The following CCBE1 variants were observed in gnomAD, a reference collection of about 807,000 sequenced individuals.
CCBE1 encodes the protein collagen and calcium-binding EGF domain-containing protein 1.
A neutral mutation model predicts 50.0 loss-of-function variants in CCBE1; 37 were observed. The ratio of observed to expected loss-of-function variants is 0.74; its 90% CI spans 0.57 to 0.97. The LOEUF is 0.97. Among genes scored for constraint, CCBE1 ranks in the 50% least tolerant of loss-of-function variants. CCBE1 has a pLI of 0.00. For missense variants in CCBE1, 538 were observed against 523.8 expected, an observed-to-expected ratio of 1.03 and a Z score of -0.26; for synonymous variants, 234 against 203.7, an observed-to-expected ratio of 1.15 and a Z score of -1.27.
At chr18:59,485,821 G>A (rs1044418532) in intron 2 of CCBE1, among the ~76,000 whole-genome samples, 3 of 151,452 alleles carry the variant, frequency 2.0e-5, no homozygotes, top group Non-Finnish European at 1.5e-5. Flanking sequence ...CGCTGGTCTC[G>A]AACTCCTGAC....
intron 2 of CCBE1, among the ~76,000 whole-genome samples, chr18:59,631,149 CA>C (rs1203709310): frequency 8.6e-5 from 13 of 151,778 alleles, no homozygotes; most frequent in African/African-American, 3.1e-4. Context: ...CTCAGCATGG[CA>C]GTTGTTCAAA....
intron 1 of CCBE1, 52 bp from the exon 2 acceptor site, chr18:59,696,761 G>C (rs757051090): frequency 3.3e-5 from 52 of 1,584,948 alleles, no homozygotes; most frequent in Non-Finnish European, 4.1e-5. Context: ...GAGCGGAGGC[G>C]GGCAGCGCGC....
intron 2 of CCBE1, among the ~76,000 whole-genome samples, chr18:59,681,201 C>T (rs2054585197): frequency 6.6e-6 from 1 of 152,134 alleles, no homozygotes; most frequent in African/African-American, 2.4e-5. Flanking sequence ...ATGAAAATGG[C>T]AGCAAGGCCA....
intron 2 of CCBE1, among the ~76,000 whole-genome samples, chr18:59,629,939 T>A (rs2053830929): frequency 6.6e-6 from 1 of 152,162 alleles, no homozygotes; most frequent in African/African-American, 2.4e-5. Context: ...TTAGCAAGGC[T>A]CTGAAGAATG....
chr18:59,478,404 T>C (rs1444582749), intron 3 of CCBE1, among the ~76,000 whole-genome samples: 4 of 152,232 alleles, frequency 2.6e-5, no homozygotes, highest in Admixed American at 2.0e-4. Flanking sequence ...ACTAAAGATA[T>C]CTTTAGTAAA....
intron 2 of CCBE1, among the ~76,000 whole-genome samples, chr18:59,610,771 A>G (rs7228460): frequency 0.42 from 63,668 of 152,074 alleles, 13,800 homozygotes; most frequent in East Asian, 0.65. Flanking sequence ...AGCCTCACAC[A>G]GAGGCCAAAG....
intron 2 of CCBE1, among the ~76,000 whole-genome samples, chr18:59,539,593 G>A (rs961322171): frequency 1.3e-5 from 2 of 152,194 alleles, no homozygotes; most frequent in African/African-American, 4.8e-5. Context: ...GGAGCATTTT[G>A]TTATGCAGCA....
chr18:59,696,393 C>G, intron 2 of CCBE1: 1 of 1,096,464 alleles, frequency 9.1e-7, no homozygotes, highest in Non-Finnish European at 1.2e-6. Flanking sequence ...GGAGCGGCAA[C>G]CATCCTCAGG....
At chr18:59,549,864 C>T (rs1915850403) in intron 2 of CCBE1, among the ~76,000 whole-genome samples, 1 of 152,194 alleles carries the variant, frequency 6.6e-6, no homozygotes, top group Admixed American at 6.5e-5. Flanking sequence ...GTGGCCCACT[C>T]ATTTTGCAGA....
At chr18:59,696,445 T>C (rs1303033597) in intron 2 of CCBE1, 184 bp downstream of exon 2, 1 of 1,448,922 alleles carries the variant, frequency 6.9e-7, no homozygotes, top group Non-Finnish European at 9.2e-7. Context: ...AGTTGCTCAG[T>C]GTTGCTCTGA....
Position 59,489,344 on chromosome 18 carries a change from T to A in CCBE1, c.213-9106A>T, listed in dbSNP as rs76359304. Among the ~76,000 whole-genome samples the A allele has an allele frequency of 4.6e-5, 7 of 152,370 alleles. No individual in the cohort carries two copies. In the East Asian group the frequency reaches 1.3e-3, roughly 29 times the overall value. The stretch of plus-strand genomic sequence containing the variant: ...TCCTCAGCAGACACAGACACTCAGA[T>A]GGCCAGAGCCCCAAGGGGCTTTGGA... On this transcript the variant is annotated intron_variant, in intron 2 of 10. Transcript: ENST00000439986.
At chr18:59,635,188 C>T (rs2053899077) in intron 2 of CCBE1, among the ~76,000 whole-genome samples, 1 of 152,128 alleles carries the variant, frequency 6.6e-6, no homozygotes, top group African/African-American at 2.4e-5. Flanking sequence ...CAAATGGAGG[C>T]CAGATGACAA....
chr18:59,514,030 G>T (rs1044264975), intron 2 of CCBE1, among the ~76,000 whole-genome samples: 1 of 152,116 alleles, frequency 6.6e-6, no homozygotes, highest in Non-Finnish European at 1.5e-5. Context: ...TCACCATCTT[G>T]CATGGGGCCG....
intron 2 of CCBE1, among the ~76,000 whole-genome samples, chr18:59,567,875 A>G (rs1351034983): frequency 6.6e-6 from 1 of 152,250 alleles, no homozygotes; most frequent in African/African-American, 2.4e-5. Flanking sequence ...ATCAGCAGAC[A>G]CATATCACAT....
chr18:59,439,153 G>C (rs193215995), intron 9 of CCBE1, among the ~76,000 whole-genome samples: 137 of 152,288 alleles, frequency 9.0e-4, no homozygotes, highest in Non-Finnish European at 2.2e-4. Flanking sequence ...CAGGTGTGGT[G>C]GCGGTCGCCT....
intron 2 of CCBE1, among the ~76,000 whole-genome samples, chr18:59,566,584 G>A (rs2052831852): frequency 6.6e-6 from 1 of 152,190 alleles, no homozygotes; most frequent in Non-Finnish European, 1.5e-5. Flanking sequence ...TAGGAAAGAA[G>A]TACTCAACTG....
chr18:59,500,959 C>T (rs532906241), intron 2 of CCBE1, among the ~76,000 whole-genome samples: 3 of 152,218 alleles, frequency 2.0e-5, no homozygotes, highest in Non-Finnish European at 4.4e-5. Flanking sequence ...TCCCCACAAC[C>T]ACCCACACAT....
chr18:59,462,301 C>T (rs1911523097), intron 5 of CCBE1: 1 of 152,146 alleles, frequency 6.6e-6, no homozygotes, highest in South Asian at 2.1e-4. Flanking sequence ...TCGTTTGGCC[C>T]CAGAGCTAAG....
At chr18:59,621,160 G>A (rs1416022714) in intron 2 of CCBE1, among the ~76,000 whole-genome samples, 1 of 152,202 alleles carries the variant, frequency 6.6e-6, no homozygotes, top group Non-Finnish European at 1.5e-5. Flanking sequence ...GGGCTTCCAG[G>A]AAATGATGTA....
Sources: allele counts gnomAD v4.1 joint callset (sites outside exome capture counted in the v4.1 genomes callset), GRCh38; gene constraint gnomAD v4.1.1; transcripts MANE v1.5; gene names NCBI Gene and HGNC (gene_info 2026-07-23, HGNC 2026-07-21).